Variants in CPAP observed in about 807,000 individuals in gnomAD.
The protein encoded by CPAP is centrosomal P4.1-associated protein.
At chr13:24,928,140 T>C in the CPAP span, among the ~76,000 whole-genome samples, 1 of 152,232 alleles carries the variant, frequency 6.6e-6, no homozygotes, top group Non-Finnish European at 1.5e-5. Flanking sequence ...TCAAGACTAC[T>C]CACTCTTCAG....
chr13:24,912,729 A>G, the CPAP span: 4 of 1,614,076 alleles, frequency 2.5e-6, no homozygotes, highest in Non-Finnish European at 3.4e-6. Flanking sequence ...TAATGCAAGG[A>G]AAGGCTGTAT....
chr13:24,930,365 A>G, the CPAP span, among the ~76,000 whole-genome samples: 3 of 152,076 alleles, frequency 2.0e-5, no homozygotes, highest in African/African-American at 7.2e-5. Context: ...TTTGTTACCT[A>G]GGTATAATTT....
chr13:24,888,974 T>C, the CPAP span, among the ~76,000 whole-genome samples: 1,301 of 152,304 alleles, frequency 8.5e-3, 5 homozygotes, highest in Non-Finnish European at 0.013. Flanking sequence ...CAAATACTTA[T>C]TGGTTGAGCA....
At chr13:24,893,091 A>G in the CPAP span, among the ~76,000 whole-genome samples, 2 of 152,146 alleles carry the variant, frequency 1.3e-5, no homozygotes, top group African/African-American at 4.8e-5. Flanking sequence ...AGCCAGGAGA[A>G]AGGAAGGCAG....
the CPAP span, among the ~76,000 whole-genome samples, chr13:24,927,243 T>TTG: frequency 6.6e-6 from 1 of 152,162 alleles, no homozygotes; most frequent in South Asian, 2.1e-4. Context: ...GTGGCCACTG[T>TTG]TGTAAGTCCT....
chr13:24,889,191 T>C, the CPAP span: 3 of 759,858 alleles, frequency 3.9e-6, no homozygotes, highest in Non-Finnish European at 4.6e-6. Flanking sequence ...TCAATTACAT[T>C]TATTAATTCA....
At chr13:24,899,340 A>G in the CPAP span, 33 of 1,167,262 alleles carry the variant, frequency 2.8e-5, no homozygotes, top group East Asian at 7.0e-4. Flanking sequence ...TTGCTTTGAC[A>G]TAAGAAATAA....
chr13:24,917,246 T>C, the CPAP span, among the ~76,000 whole-genome samples: 15,147 of 152,228 alleles, frequency 0.1, 906 homozygotes, highest in Non-Finnish European at 0.14. Flanking sequence ...AGAGCCACTC[T>C]GTCTCAAAAA....
At chr13:24,893,295 C>G in the CPAP span, among the ~76,000 whole-genome samples, 1 of 152,234 alleles carries the variant, frequency 6.6e-6, no homozygotes, top group African/African-American at 2.4e-5. Flanking sequence ...TGAAAACTAT[C>G]TGAAATTCAT....
the CPAP span, chr13:24,884,082 TTC>T: frequency 7.0e-6 from 11 of 1,579,476 alleles, no homozygotes; most frequent in Non-Finnish European, 8.6e-6. Flanking sequence ...GGTAATGTTT[TTC>T]TGTTTAAAAA....
chr13:24,931,649 C>A, the CPAP span, among the ~76,000 whole-genome samples: 1 of 152,190 alleles, frequency 6.6e-6, no homozygotes, highest in Non-Finnish European at 1.5e-5. Context: ...GTATCTCCAG[C>A]CCTCGCCTCT....
chr13:24,929,867 T>C, the CPAP span, among the ~76,000 whole-genome samples: 1 of 151,938 alleles, frequency 6.6e-6, no homozygotes, highest in Non-Finnish European at 1.5e-5. Context: ...ATTCCTTCTT[T>C]AACCTGCTCA....
At chr13:24,927,776 G>A in the CPAP span, among the ~76,000 whole-genome samples, 1 of 152,192 alleles carries the variant, frequency 6.6e-6, no homozygotes, top group Admixed American at 6.5e-5. Context: ...TTATATGGAT[G>A]ACATCTTACT....
the CPAP span, among the ~76,000 whole-genome samples, chr13:24,908,453 A>C: frequency 6.7e-6 from 1 of 150,242 alleles, no homozygotes. Context: ...AAAAAAAAAA[A>C]AAAAAAAAAA....
At chr13:24,886,530 G>C in the CPAP span, 2 of 435,448 alleles carry the variant, frequency 4.6e-6, no homozygotes, top group Non-Finnish European at 4.5e-6. Flanking sequence ...AGGGACTACT[G>C]GGAGTGGATG....
chr13:24,923,709 C>T, the CPAP span, among the ~76,000 whole-genome samples: 4 of 152,218 alleles, frequency 2.6e-5, no homozygotes, highest in Non-Finnish European at 5.9e-5. Flanking sequence ...CTGCTAAAGA[C>T]AAAACTATTT....
the CPAP span, chr13:24,889,040 G>T: frequency 2.3e-6 from 1 of 431,482 alleles, no homozygotes; most frequent in Non-Finnish European, 4.2e-6. Flanking sequence ...CATCATGCTT[G>T]CCCTCAAAAA....
the CPAP span, chr13:24,903,979 G>T: frequency 1.2e-6 from 2 of 1,613,996 alleles, no homozygotes; most frequent in South Asian, 2.2e-5. Flanking sequence ...CTAAAGATGC[G>T]TTCTCAGCTT....
the CPAP span, chr13:24,910,014 G>A: frequency 6.2e-7 from 1 of 1,613,982 alleles, no homozygotes; most frequent in African/African-American, 1.3e-5. Flanking sequence ...GCAGCATGTG[G>A]CTCTCTCTCC....
Sources: gnomAD v4.1 joint callset for allele counts (sites outside exome capture counted in the v4.1 genomes callset) on GRCh38, gnomAD v4.1.1 for gene constraint, MANE v1.5 for transcripts, NCBI Gene and HGNC (gene_info 2026-07-23, HGNC 2026-07-21) for gene names.